CCDC170: variants seen among roughly 807,000 people sequenced by gnomAD.
The protein encoded by CCDC170 is coiled-coil domain-containing protein 170.
A neutral mutation model predicts 72.6 loss-of-function variants in CCDC170; 69 were observed. That is an observed-to-expected ratio of 0.95 (90% CI 0.78 to 1.16). The LOEUF (loss-of-function observed/expected upper bound fraction) is 1.16, where lower values mean the gene tolerates loss of function less well. Ranked by LOEUF, CCDC170 falls within the 50% of genes most tolerant of loss-of-function variation. CCDC170 has a pLI of 0.00. For synonymous variants in CCDC170, 300 were observed against 303.9 expected, an observed-to-expected ratio of 0.99 and a Z score of 0.13; for missense variants, 852 against 832.5, an observed-to-expected ratio of 1.02 and a Z score of -0.29.
intron 1 of CCDC170, among the ~76,000 whole-genome samples, chr6:151,494,886 GAA>G (rs1339468624): frequency 6.6e-6 from 1 of 152,192 alleles, no homozygotes; most frequent in Non-Finnish European, 1.5e-5. Context: ...TCTGGGTTAA[GAA>G]TCCCCCTTTG....
At chr6:151,596,868 C>T (rs1776633922) in intron 9 of CCDC170, among the ~76,000 whole-genome samples, 1 of 152,110 alleles carries the variant, frequency 6.6e-6, no homozygotes, top group East Asian at 1.9e-4. Context: ...CTCTTGTTGC[C>T]CAGGCTAGAG....
intron 1 of CCDC170, among the ~76,000 whole-genome samples, chr6:151,528,633 T>C (rs565370121): frequency 1.3e-5 from 2 of 152,044 alleles, no homozygotes; most frequent in East Asian, 3.9e-4. Flanking sequence ...ATCAGTTGAG[T>C]TCAAGACCAG....
intron 1 of CCDC170, among the ~76,000 whole-genome samples, chr6:151,512,538 C>T (rs1299911541): frequency 6.6e-6 from 1 of 152,158 alleles, no homozygotes; most frequent in Admixed American, 6.5e-5. Context: ...CAGACAAAAA[C>T]ATTTACAAAC....
At chr6:151,590,064 G>A (rs987138881) in intron 7 of CCDC170, among the ~76,000 whole-genome samples, 1 of 151,628 alleles carries the variant, frequency 6.6e-6, no homozygotes, top group Non-Finnish European at 1.5e-5. Flanking sequence ...CCTGGCAGCA[G>A]CAATCTCTTC....
chr6:151,531,976 T>C (rs1782496878), intron 1 of CCDC170, among the ~76,000 whole-genome samples: 1 of 152,162 alleles, frequency 6.6e-6, no homozygotes, highest in Admixed American at 6.5e-5. Context: ...AAGATGATAT[T>C]TGAGTGGGAA....
intron 5 of CCDC170, among the ~76,000 whole-genome samples, chr6:151,570,333 C>G (rs1213877141): frequency 1.3e-5 from 2 of 152,172 alleles, no homozygotes; most frequent in Non-Finnish European, 2.9e-5. Context: ...AATTTTCTAA[C>G]CACACATCAG....
In CCDC170 at chr6:151,597,571, A is replaced by C. The variant is rs192764396; in HGVS notation, c.1710+994A>C. On this transcript the variant is annotated intron_variant, in intron 9 of 10. Coordinates refer to ENST00000239374, the MANE Select transcript of CCDC170 (RefSeq NM_025059.4). ...AAATGGGCACAACTGTTTGCTGAAA[A>C]GAGTCAGGCAGGCAAGGGTATTTAC... Among the ~76,000 whole-genome samples, 114 of 152,342 alleles carry C rather than the reference A, an allele frequency of 7.5e-4. 1 individual carries two copies. The highest frequency in any genetic ancestry group is 2.5e-3 in the African/African-American group (106 of 41,580).
intron 6 of CCDC170, among the ~76,000 whole-genome samples, chr6:151,574,722 G>A (rs1439473793): frequency 6.6e-6 from 1 of 152,176 alleles, no homozygotes; most frequent in African/African-American, 2.4e-5. Context: ...CAGTAAATGA[G>A]TTATGAAAAA....
intron 5 of CCDC170, among the ~76,000 whole-genome samples, chr6:151,564,211 G>A (rs542060798): frequency 9.3e-4 from 141 of 152,312 alleles, no homozygotes; most frequent in Admixed American, 1.4e-3. Context: ...GTTGGGTAGG[G>A]CACTTTGGCT....
chr6:151,501,813 GACTT>G (rs1272704253), intron 1 of CCDC170, among the ~76,000 whole-genome samples: 1 of 152,128 alleles, frequency 6.6e-6, no homozygotes, highest in African/African-American at 2.4e-5. Context: ...TAATTATAAA[GACTT>G]ACTTTTTTCC....
intron 5 of CCDC170, among the ~76,000 whole-genome samples, chr6:151,566,292 T>C (rs1776135801): frequency 1.3e-5 from 2 of 152,240 alleles, no homozygotes. Context: ...TTTGAATACA[T>C]CTACAGGATA....
At chr6:151,542,782 G>T (rs922306314) in intron 3 of CCDC170, among the ~76,000 whole-genome samples, 2 of 152,200 alleles carry the variant, frequency 1.3e-5, no homozygotes, top group Non-Finnish European at 2.9e-5. Flanking sequence ...GAATGGAGAA[G>T]AAAGATTGAA....
intron 1 of CCDC170, among the ~76,000 whole-genome samples, chr6:151,519,757 GT>G (rs1782291224): frequency 6.6e-6 from 1 of 152,164 alleles, no homozygotes; most frequent in Admixed American, 6.5e-5. Context: ...AGACCGGAGG[GT>G]TTGTCTTCTT....
At chr6:151,581,164 C>A (rs901813597) in intron 6 of CCDC170, among the ~76,000 whole-genome samples, 3 of 152,134 alleles carry the variant, frequency 2.0e-5, no homozygotes, top group African/African-American at 7.2e-5. Context: ...TAGTTGAAAA[C>A]AACAATTGAC....
chr6:151,508,712 C>CAAAT (rs199589985), intron 1 of CCDC170, among the ~76,000 whole-genome samples: 7,135 of 149,906 alleles, frequency 0.048, 244 homozygotes, highest in East Asian at 0.17. Flanking sequence ...GACTCTGTCT[C>CAAAT]AAATAAATAA....
At chr6:151,524,929 C>CTTTTTTTT (rs34288029) in intron 1 of CCDC170, among the ~76,000 whole-genome samples, 18 of 110,006 alleles carry the variant, frequency 1.6e-4, no homozygotes, top group African/African-American at 2.2e-4. Context: ...TAGTCTGATT[C>CTTTTTTTT]TTTTTTTTTT....
At chr6:151,514,358 AG>A (rs1166138466) in intron 1 of CCDC170, among the ~76,000 whole-genome samples, 6 of 20,320 alleles carry the variant, frequency 3.0e-4, no homozygotes, top group Non-Finnish European at 3.8e-4. Flanking sequence ...GGAGGGAGGG[AG>A]GGAGGGAGGG....
intron 7 of CCDC170, among the ~76,000 whole-genome samples, chr6:151,590,471 C>T (rs908506443): frequency 3.3e-5 from 5 of 152,208 alleles, no homozygotes; most frequent in East Asian, 1.9e-4. Flanking sequence ...GTGAATTTTC[C>T]GTCGCTAACT....
rs374286827 is a variant in CCDC170, at chr6:151,548,496, T to C, written c.774+7T>C. On this transcript the variant is annotated splice_region_variant and intron_variant, in intron 5 of 10. Transcript: ENST00000239374. ...GAAAGAGAAGCTGAACCAGGTATGA[T>C]ATGTGAAGTATACGTGTGCATCTGG... 3.8e-6 allele frequency: 6 copies of C among 1,564,626 alleles called. No homozygotes were observed. In the African/African-American group the frequency reaches 8.3e-5, roughly 22 times the overall value.
Sources: allele counts gnomAD v4.1 joint callset (sites outside exome capture counted in the v4.1 genomes callset), GRCh38; gene constraint gnomAD v4.1.1; transcripts MANE v1.5; gene names NCBI Gene and HGNC (gene_info 2026-07-23, HGNC 2026-07-21).